MLYCD: variants seen among roughly 807,000 people sequenced by gnomAD.
MLYCD encodes the protein malonyl-CoA decarboxylase, also known as malonyl-CoA decarboxylase, mitochondrial.
Under a neutral mutation model 35.8 loss-of-function variants are expected in MLYCD, and 27 were observed. The observed-to-expected ratio is 0.75, with a 90% CI of 0.56 to 1.04. The LOEUF (loss-of-function observed/expected upper bound fraction) is 1.04, where lower values mean the gene tolerates loss of function less well. Ranked by LOEUF, MLYCD falls within the 50% of genes least tolerant of loss-of-function variation. The pLI is 0.00. For synonymous variants in MLYCD, 403 were observed against 302.4 expected (o/e 1.33, Z -3.45); for missense variants, 917 against 665.1 (o/e 1.38, Z -4.17).
chr16:83,905,278 A>G (rs553940123), intron 1 of MLYCD, among the ~76,000 whole-genome samples: 1 of 152,074 alleles, frequency 6.6e-6, no homozygotes, highest in Admixed American at 6.6e-5. Flanking sequence ...GGTGTTGCCC[A>G]TTGTGTTCTT....
At chr16:83,910,567 G>C (rs1907138674) in intron 3 of MLYCD, among the ~76,000 whole-genome samples, 1 of 151,942 alleles carries the variant, frequency 6.6e-6, no homozygotes, top group Non-Finnish European at 1.5e-5. Context: ...GTGTGCACCT[G>C]TAGCCCCAGC....
rs1907324722 is a variant in MLYCD at position 83,915,086 on chromosome 16, G to T, written c.1079G>T (p.Cys360Phe). 1 of 1,614,256 alleles carries T rather than the reference G, an allele frequency of 6.2e-7. No individual in the cohort carries two copies. The change falls in exon 5 of 5, where the codon TGT (cysteine) becomes TTT (phenylalanine). Residue 360 changes from cysteine to phenylalanine, a missense_variant. Cys to Phe is a radical substitution (Grantham distance 205). Coordinates refer to ENST00000262430, the MANE Select transcript of MLYCD (RefSeq NM_012213.3). ...GRNELFTDSE[C>F]KEISEITGGP... ...AATGAACTCTTTACAGATTCGGAAT[G>T]TAAGGAAATCTCGGAGATCACAGGT...
intron 3 of MLYCD, among the ~76,000 whole-genome samples, chr16:83,910,212 T>G (rs915423794): frequency 1.1e-5 from 1 of 94,586 alleles, no homozygotes; most frequent in Non-Finnish European, 2.3e-5. Context: ...TTATGCATGG[T>G]TTTTTTTTTT....
chr16:83,925,042 C>T lies in MLYCD; in HGVS notation c.*9553C>T, dbSNP rs1189291697. The T allele has an allele frequency of 6.6e-6, 1 of 152,328 alleles. No homozygotes were observed. Among genetic ancestry groups the T allele is most frequent in the Non-Finnish European group, 1.5e-5 (1 of 68,110 alleles). 9.4% of individuals were successfully genotyped at this position (152,328 alleles called of 1,614,324 possible). On this transcript the variant is annotated 3_prime_UTR_variant, in exon 5 of 5. Coordinates refer to ENST00000262430, the MANE Select transcript of MLYCD (RefSeq NM_012213.3). ...TACCGATAGCAAGGGCACTAGTGCC[C>T]CTGTTTGCCGGGGACAGGCCCTGTC...
Position 83,901,385 on chromosome 16 carries a change from A to G in MLYCD, c.528+1713A>G, listed in dbSNP as rs1465980122. ...GCAGAATGATGAATGAATCATTGCAATAGATTCCTGGGTGTCCTGGCATAA... is the reference window on the plus strand; with the variant it reads ...GCAGAATGATGAATGAATCATTGCAGTAGATTCCTGGGTGTCCTGGCATAA... On this transcript the variant is annotated intron_variant, in intron 1 of 4. Coordinates refer to ENST00000262430, the MANE Select transcript of MLYCD (RefSeq NM_012213.3). 2.0e-5 allele frequency among the ~76,000 whole-genome samples: 3 copies of G among 152,350 alleles called. No homozygotes were observed. The South Asian group carries it at 6.2e-4, about 32-fold the overall frequency.
At chr16:83,902,136 T>TGC (rs1906811145) in intron 1 of MLYCD, among the ~76,000 whole-genome samples, 1 of 134,356 alleles carries the variant, frequency 7.4e-6, no homozygotes, top group African/African-American at 2.9e-5. Context: ...TGTATATGTG[T>TGC]GTGTGTGTGT....
chr16:83,902,154 CGT>C (rs1491286221), intron 1 of MLYCD, among the ~76,000 whole-genome samples: 1,554 of 84,396 alleles, frequency 0.018, 44 homozygotes, highest in South Asian at 0.091. Context: ...TGTGTGCGTG[CGT>C]ATATATATAT....
At chr16:83,899,785 C>G in intron 1 of MLYCD, 113 bp downstream of exon 1, 2 of 1,290,358 alleles carry the variant, frequency 1.5e-6, no homozygotes, top group East Asian at 2.8e-5. Context: ...CGATAGCACG[C>G]TCACTTCGCC....
chr16:83,915,799 C>T lies in MLYCD; in HGVS notation c.*310C>T. On this transcript the variant is annotated 3_prime_UTR_variant, in exon 5 of 5. Coordinates refer to ENST00000262430, the MANE Select transcript of MLYCD (RefSeq NM_012213.3). ...GGGGCTGGTGCTGTGGTACCTACAT[C>T]TTCAGGAAGCTGTGCAGCCTCTGCC... The T allele has an allele frequency of 1.6e-6, 2 of 1,277,710 alleles. No individual in the cohort carries two copies. Among genetic ancestry groups the T allele is most frequent in the Non-Finnish European group, 2.0e-6 (2 of 1,001,136 alleles). 79.1% of individuals were successfully genotyped at this position (1,277,710 alleles called of 1,614,324 possible). A position where few individuals can be genotyped will look rare whatever the true frequency, so the allele number is the denominator to read the frequency against.
chr16:83,924,473 C>G lies in MLYCD; in HGVS notation c.*8984C>G. On this transcript the variant is annotated 3_prime_UTR_variant, in exon 5 of 5. Transcript: ENST00000262430. Reference sequence around the variant, plus strand: ...CGTCTGTGACAGAGGCTTGAACCCCCGGCTTGTTCTCTCACGTCTGTTGCC... The same window carrying G: ...CGTCTGTGACAGAGGCTTGAACCCCGGGCTTGTTCTCTCACGTCTGTTGCC... 1 of 152,158 alleles carries G rather than the reference C, an allele frequency of 6.6e-6. No individual in the cohort carries two copies. Among genetic ancestry groups the G allele is most frequent in the East Asian group, 1.9e-4 (1 of 5,182 alleles). 9.4% of individuals were successfully genotyped at this position (152,158 alleles called of 1,614,324 possible).
At chr16:83,906,717 ACTT>A (rs1332371310) in intron 1 of MLYCD, among the ~76,000 whole-genome samples, 3 of 146,828 alleles carry the variant, frequency 2.0e-5, no homozygotes, top group Non-Finnish European at 4.5e-5. Context: ...GATTTGGGCA[ACTT>A]AGTTCAAATT....
intron 3 of MLYCD, among the ~76,000 whole-genome samples, chr16:83,911,258 G>A (rs926838264): frequency 7.2e-5 from 11 of 152,180 alleles, no homozygotes; most frequent in Non-Finnish European, 1.5e-4. Context: ...GATTACAGGC[G>A]TGAGCCACCG....
intron 3 of MLYCD, among the ~76,000 whole-genome samples, chr16:83,909,812 T>C (rs928913737): frequency 6.6e-6 from 1 of 151,646 alleles, no homozygotes; most frequent in African/African-American, 2.4e-5. Context: ...TTTGTATTTT[T>C]AGCAGAGATG....
chr16:83,915,480 C>T lies in MLYCD; in HGVS notation c.1473C>T (p.Ser491=). 1 of 1,611,458 alleles carries T rather than the reference C, an allele frequency of 6.2e-7. No homozygotes were observed. The highest frequency in any genetic ancestry group is 1.1e-5 in the South Asian group (1 of 91,080). The change falls in exon 5 of 5, where the codon AGC becomes AGT. Residue 491 remains serine (S), a synonymous_variant. Coordinates refer to ENST00000262430, the MANE Select transcript of MLYCD (RefSeq NM_012213.3). ...TAGTGGCCCAGTTTCAAAAGAACAGCAAGCTCTGACAGTAAACCTCTCCTA... is the reference window on the plus strand; with the variant it reads ...TAGTGGCCCAGTTTCAAAAGAACAGTAAGCTCTGACAGTAAACCTCTCCTA... ...LSLVAQFQKN[S]KL is the part of the protein sequence containing the mutation.
chr16:83,921,411 G>A lies in MLYCD; in HGVS notation c.*5922G>A, dbSNP rs1907649725. 7.2e-6 allele frequency: 1 copy of A among 139,784 alleles called. No homozygotes were observed. Among genetic ancestry groups the A allele is most frequent in the Admixed American group, 7.3e-5 (1 of 13,690 alleles). The allele number at this position is 139,784 out of a possible 1,614,324, so 8.7% of individuals were successfully genotyped here. A position where few individuals can be genotyped will look rare whatever the true frequency, so the allele number is the denominator to read the frequency against. On this transcript the variant is annotated 3_prime_UTR_variant, in exon 5 of 5. Transcript: ENST00000262430. Reference sequence around the variant, plus strand: ...GATGGATGGAGGAGGGTGGATGGAAGGAAGGAGGATGGATGGATGGATGGG... The same window carrying A: ...GATGGATGGAGGAGGGTGGATGGAAAGAAGGAGGATGGATGGATGGATGGG...
Position 83,922,430 on chromosome 16 carries a change from A to G in MLYCD, c.*6941A>G, listed in dbSNP as rs1907685066. The stretch of plus-strand genomic sequence containing the variant: ...AGGGGTGCCACTGGAGTTGGGGTGC[A>G]CCTGCTCTCACCTGTTCATGGGCTC... On this transcript the variant is annotated 3_prime_UTR_variant, in exon 5 of 5. Transcript: ENST00000262430. The G allele has an allele frequency of 6.6e-6, 1 of 152,248 alleles. No homozygotes were observed. Among genetic ancestry groups the G allele is most frequent in the South Asian group, 2.1e-4 (1 of 4,832 alleles). 9.4% of individuals were successfully genotyped at this position (152,248 alleles called of 1,614,324 possible). A position where few individuals can be genotyped will look rare whatever the true frequency, so the allele number is the denominator to read the frequency against.
rs1907380781 is a variant in MLYCD, at chr16:83,916,213, A to G, written c.*724A>G. On this transcript the variant is annotated 3_prime_UTR_variant, in exon 5 of 5. Transcript: ENST00000262430. The stretch of plus-strand genomic sequence containing the variant: ...GATTGTGTAGTGGTGGTCGTCTTTA[A>G]GATTAGAGACCTGGGAAGGCTGGAA... 2.0e-6 allele frequency: 2 copies of G among 987,636 alleles called. No individual in the cohort carries two copies. Among genetic ancestry groups the G allele is most frequent in the Non-Finnish European group, 1.2e-6 (1 of 830,256 alleles). The allele number at this position is 987,636 out of a possible 1,614,324, so 61.2% of individuals were successfully genotyped here.
At chr16:83,908,913 C>A (rs2151057432) in intron 3 of MLYCD, among the ~76,000 whole-genome samples, 1 of 152,236 alleles carries the variant, frequency 6.6e-6, no homozygotes, top group East Asian at 1.9e-4. Context: ...AGCATGAGAC[C>A]CCTGGGGCAT....
Position 83,915,727 on chromosome 16 carries a change from C to T in MLYCD, c.*238C>T. Reference sequence around the variant, plus strand: ...GCACACAAATGAGTGGGTTGCTGTGCTGTCTCCGGAAGATTCTGTCGTTGC... The same window carrying T: ...GCACACAAATGAGTGGGTTGCTGTGTTGTCTCCGGAAGATTCTGTCGTTGC... On this transcript the variant is annotated 3_prime_UTR_variant, in exon 5 of 5. Transcript: ENST00000262430. 1.4e-6 allele frequency: 2 copies of T among 1,407,934 alleles called. No individual in the cohort carries two copies. Among genetic ancestry groups the T allele is most frequent in the South Asian group, 2.9e-5 (2 of 68,816 alleles). The allele number at this position is 1,407,934 out of a possible 1,614,324, so 87.2% of individuals were successfully genotyped here.
Sources: gnomAD v4.1 joint callset for allele counts (sites outside exome capture counted in the v4.1 genomes callset) on GRCh38, gnomAD v4.1.1 for gene constraint, MANE v1.5 for transcripts, NCBI Gene and HGNC (gene_info 2026-07-23, HGNC 2026-07-21) for gene names.